TRIM9: variants seen among roughly 807,000 people sequenced by gnomAD.
The protein encoded by TRIM9 is E3 ubiquitin-protein ligase TRIM9.
In TRIM9, 26 loss-of-function variants were observed where a neutral mutation model predicts 78.3. The ratio of observed to expected loss-of-function variants is 0.33; its 90% CI spans 0.24 to 0.46. The LOEUF (loss-of-function observed/expected upper bound fraction) is 0.46. Ranked by LOEUF, TRIM9 falls within the 20% of genes least tolerant of loss-of-function variation. The pLI, the probability that TRIM9 is intolerant of heterozygous loss-of-function variation, is 1.00. For synonymous variants in TRIM9, 398 were observed against 416.5 expected (o/e 0.96, Z 0.54); for missense variants, 787 against 1,036.4 (o/e 0.76, Z 3.30).
chr14:51,054,219 G>A (rs2060696248), intron 1 of TRIM9, among the ~76,000 whole-genome samples: 1 of 152,068 alleles, frequency 6.6e-6, no homozygotes, highest in South Asian at 2.1e-4. Context: ...ATTGCACCAC[G>A]CCCAACCATT....
intron 3 of TRIM9, among the ~76,000 whole-genome samples, chr14:51,011,002 T>C (rs2056504012): frequency 6.6e-6 from 1 of 152,294 alleles, no homozygotes; most frequent in South Asian, 2.1e-4. Flanking sequence ...CACGGTCAAT[T>C]GTTCTGCATC....
chr14:51,012,240 C>T (rs1596168944), intron 3 of TRIM9, among the ~76,000 whole-genome samples: 1 of 152,206 alleles, frequency 6.6e-6, no homozygotes, highest in South Asian at 2.1e-4. Context: ...ATTTCCCCTT[C>T]CTCCCAGCCC....
At chr14:51,038,901 T>C (rs1011869069) in intron 1 of TRIM9, among the ~76,000 whole-genome samples, 2 of 152,268 alleles carry the variant, frequency 1.3e-5, no homozygotes, top group African/African-American at 2.4e-5. Context: ...ATGTTTTGGA[T>C]ACTAAAGTGG....
intron 5 of TRIM9, among the ~76,000 whole-genome samples, chr14:51,004,531 G>A (rs2055504248): frequency 6.6e-6 from 1 of 152,062 alleles, no homozygotes; most frequent in African/African-American, 2.4e-5. Context: ...GGACAAGTGA[G>A]AAGAGAAGCT....
rs1445755156 is a variant in TRIM9 at position 51,000,685 on chromosome 14, G to A, written c.1462C>T (p.Arg488Trp). ...TACGTAGTGGGCTGTCTACTGACCC[G>A]GAATTGACCACCGTTGCCATCATCC... is the stretch of plus-strand genomic sequence containing the variant. ...ELDDGNGGQFREVYVGKETMC... is the reference protein window; with the variant it reads ...ELDDGNGGQFWEVYVGKETMC... The change falls in exon 6 of 13, where the codon CGG becomes TGG. Residue 488 changes from arginine to tryptophan, a missense_variant and splice_region_variant. Coordinates refer to ENST00000684578, the MANE Select transcript of TRIM9 (RefSeq NM_001387360.1). 9.3e-6 allele frequency: 15 copies of A among 1,613,852 alleles called. No homozygotes were observed. Among genetic ancestry groups the A allele is most frequent in the Middle Eastern group, 1.6e-4 (1 of 6,080 alleles).
At chr14:50,979,214 G>T in intron 12 of TRIM9, 173 bp downstream of exon 12, 3 of 1,462,724 alleles carry the variant, frequency 2.1e-6, no homozygotes, top group African/African-American at 1.4e-5. Flanking sequence ...TATGCTTGGC[G>T]TGGAATAAAA....
chr14:51,041,807 G>C (rs73288888), intron 1 of TRIM9, among the ~76,000 whole-genome samples: 12,452 of 131,482 alleles, frequency 0.095, 771 homozygotes, highest in African/African-American at 0.19. Context: ...ATGATGTTAA[G>C]TGTTTCAAAT....
At chr14:51,065,662 TGGCCATAGA>T (rs903342593) in intron 1 of TRIM9, among the ~76,000 whole-genome samples, 1 of 152,196 alleles carries the variant, frequency 6.6e-6, no homozygotes, top group Non-Finnish European at 1.5e-5. Flanking sequence ...AACACCAAAG[TGGCCATAGA>T]GGCCTGGAGT....
At chr14:50,991,101 A>G (rs563899167) in intron 7 of TRIM9, among the ~76,000 whole-genome samples, 1 of 152,324 alleles carries the variant, frequency 6.6e-6, no homozygotes, top group South Asian at 2.1e-4. Flanking sequence ...ACAGATGCAT[A>G]CTTCATCACC....
chr14:50,979,201 G>T lies in TRIM9; in HGVS notation c.2325+186C>A, dbSNP rs191966555. 3.4e-5 allele frequency: 49 copies of T among 1,454,754 alleles called. No individual in the cohort carries two copies. In the East Asian group the frequency reaches 4.5e-4, roughly 13 times the overall value. The allele number at this position is 1,454,754 out of a possible 1,614,324, so 90.1% of individuals were successfully genotyped here. Reference sequence around the variant, plus strand: ...GTCTGCGTCCAAGTATAAAGAAGGTGCTTATGCTTGGCGTGGAATAAAATA... The same window carrying T: ...GTCTGCGTCCAAGTATAAAGAAGGTTCTTATGCTTGGCGTGGAATAAAATA... On this transcript the variant is annotated intron_variant, in intron 12 of 12. Transcript: ENST00000684578.
chr14:50,986,019 C>A lies in TRIM9; in HGVS notation c.1729G>T (p.Asp577Tyr). The A allele has an allele frequency of 1.3e-6, 2 of 1,549,260 alleles. No homozygotes were observed. Among genetic ancestry groups the A allele is most frequent in the Non-Finnish European group, 1.7e-6 (2 of 1,146,296 alleles). ...AGCTGGTGGGGTGAGGATCGGAAAT[C>A]AAAGTAGGATCTCCCGGGGAAGCTG... ...QPSFPGRSYF[D>Y]FRSSPHQLSL... Residue 577 changes from aspartate (D) to tyrosine (Y), a missense_variant, in exon 8 of 13, where the codon GAT becomes TAT. Transcript: ENST00000684578.
chr14:51,059,178 G>A (rs180790035), intron 1 of TRIM9, among the ~76,000 whole-genome samples: 6 of 152,304 alleles, frequency 3.9e-5, no homozygotes, highest in Admixed American at 2.6e-4. Context: ...GTGAAACACC[G>A]ATCAGAAAAC....
chr14:51,059,920 A>G (rs2061207027), intron 1 of TRIM9, among the ~76,000 whole-genome samples: 1 of 152,218 alleles, frequency 6.6e-6, no homozygotes, highest in Non-Finnish European at 1.5e-5. Context: ...ATTGGCTACT[A>G]CCACGGCCCT....
chr14:50,994,889 C>T (rs890214856), intron 7 of TRIM9, among the ~76,000 whole-genome samples: 1 of 152,196 alleles, frequency 6.6e-6, no homozygotes, highest in African/African-American at 2.4e-5. Context: ...CATCTTAAGT[C>T]AGTGTAATTT....
At chr14:50,986,297 T>G in intron 7 of TRIM9, 153 bp from the exon 8 acceptor site, 14 of 603,764 alleles carry the variant, frequency 2.3e-5, no homozygotes, top group Non-Finnish European at 3.2e-5. Context: ...CCAATGTGCC[T>G]GGGGGCAGGG....
intron 10 of TRIM9, chr14:50,982,542 A>C (rs1596089887): frequency 6.6e-6 from 2 of 304,940 alleles, no homozygotes; most frequent in East Asian, 1.2e-4. Context: ...AAATCAGGAA[A>C]TATCCCTTCG....
chr14:51,055,722 C>A (rs2060844921), intron 1 of TRIM9, among the ~76,000 whole-genome samples: 1 of 152,198 alleles, frequency 6.6e-6, no homozygotes. Context: ...AGACCCATGT[C>A]AGACTTCTAG....
intron 1 of TRIM9, among the ~76,000 whole-genome samples, chr14:51,080,411 T>C (rs1005343429): frequency 1.4e-5 from 2 of 147,892 alleles, no homozygotes; most frequent in African/African-American, 5.0e-5. Context: ...GAAGGGAGAA[T>C]AGGTGTTTCA....
At chr14:50,998,242 G>A (rs539748198) in intron 6 of TRIM9, 54 bp from the exon 7 acceptor site, 58 of 1,552,174 alleles carry the variant, frequency 3.7e-5, no homozygotes, top group South Asian at 8.0e-5. Context: ...TCTGAGGGGC[G>A]AGGGAGGCAG....
Sources: allele counts gnomAD v4.1 joint callset (sites outside exome capture counted in the v4.1 genomes callset), GRCh38; gene constraint gnomAD v4.1.1; transcripts MANE v1.5; gene names NCBI Gene and HGNC (gene_info 2026-07-23, HGNC 2026-07-21).